The following EPC2 variants were observed in gnomAD, a reference collection of about 807,000 sequenced individuals.
EPC2 encodes the protein enhancer of polycomb homolog 2.
Under a neutral mutation model 92.1 loss-of-function variants are expected in EPC2, and 14 were observed. The ratio of observed to expected loss-of-function variants is 0.15; its 90% CI spans 0.10 to 0.24. The LOEUF (loss-of-function observed/expected upper bound fraction) is 0.24, where lower values mean the gene tolerates loss of function less well. EPC2 is among the 10% of genes least tolerant of loss of function. EPC2 has a pLI of 1.00. For synonymous variants in EPC2, 340 were observed against 334.7 expected (o/e 1.02, Z -0.17); for missense variants, 755 against 971.5 (o/e 0.78, Z 2.96).
In EPC2 at chr2:148,784,996, A is replaced by G. The variant is rs1574642940; in HGVS notation, c.2346A>G (p.Ile782Met). 8 of 1,514,348 alleles carry G rather than the reference A, an allele frequency of 5.3e-6. No homozygotes were observed. The East Asian group carries it at 7.0e-5, about 13-fold the overall frequency. The allele number at this position is 1,514,348 out of a possible 1,614,324, so 93.8% of individuals were successfully genotyped here. ...CTCCCAGCAGTGCCATCAGCAGCAT[A>G]GCAAGGTGTGTGTGTGTGTTTCAGT... ...KVTPSSAISS[I>M]ARENHEPERL... The change falls in exon 13 of 14, where the codon ATA (isoleucine) becomes ATG (methionine). Residue 782 changes from isoleucine to methionine, a missense_variant. Ile to Met is a conservative substitution (Grantham distance 10). Coordinates refer to ENST00000258484, the MANE Select transcript of EPC2 (RefSeq NM_015630.4).
intron 2 of EPC2, among the ~76,000 whole-genome samples, chr2:148,740,100 C>G (rs1682852459): frequency 6.6e-6 from 1 of 151,702 alleles, no homozygotes; most frequent in Non-Finnish European, 1.5e-5. Context: ...CAGGAGAAAG[C>G]TATCTGGGTT....
chr2:148,739,060 G>A (rs777051318), intron 2 of EPC2, among the ~76,000 whole-genome samples: 19 of 152,132 alleles, frequency 1.2e-4, no homozygotes, highest in Non-Finnish European at 2.4e-4. Flanking sequence ...GCTGTTGACC[G>A]GATAGGTCCT....
intron 4 of EPC2, among the ~76,000 whole-genome samples, chr2:148,755,527 C>A (rs186939819): frequency 7.9e-5 from 12 of 152,086 alleles, no homozygotes; most frequent in Admixed American, 3.3e-4. Flanking sequence ...GATGGTGATC[C>A]CCTAAAATTA....
At chr2:148,739,812 TCC>T (rs1682841268) in intron 2 of EPC2, among the ~76,000 whole-genome samples, 2 of 147,916 alleles carry the variant, frequency 1.4e-5, no homozygotes, top group South Asian at 2.1e-4. Context: ...TTTTCTTTCT[TCC>T]TTTTCTTTTC....
chr2:148,701,628 A>G (rs1490818787), intron 2 of EPC2, among the ~76,000 whole-genome samples: 1 of 152,174 alleles, frequency 6.6e-6, no homozygotes, highest in Non-Finnish European at 1.5e-5. Flanking sequence ...TCAGCTTGCT[A>G]TAATAATACT....
rs2105371392 is a variant in EPC2, at chr2:148,690,243, A to G, written c.183A>G (p.Ala61=). The change falls in exon 2 of 14, where the codon GCA becomes GCG. Residue 61 remains alanine, a synonymous_variant. Transcript: ENST00000258484. ...ATCATTTACAGCGAGCAATTTCAGC[A>G]CAGCAAGTGTTTAGAGAAAAAAAAG... ...SEHHLQRAIS[A]QQVFREKKES... 6.2e-7 allele frequency: 1 copy of G among 1,604,542 alleles called. No homozygotes were observed. The highest frequency in any genetic ancestry group is 2.2e-5 in the East Asian group (1 of 44,740).
At chr2:148,645,272 G>T in intron 1 of EPC2, 102 bp downstream of exon 1, 2 of 1,058,666 alleles carry the variant, frequency 1.9e-6, no homozygotes, top group Non-Finnish European at 2.7e-6. Flanking sequence ...GCTGGAGGGC[G>T]CCGCTGCCGC....
At chr2:148,767,363 T>C (rs1683430548) in intron 7 of EPC2, among the ~76,000 whole-genome samples, 1 of 152,164 alleles carries the variant, frequency 6.6e-6, no homozygotes, top group Admixed American at 6.5e-5. Flanking sequence ...AATTCTTGCA[T>C]TGATTTATAT....
chr2:148,760,790 G>A (rs777482843), intron 4 of EPC2, among the ~76,000 whole-genome samples: 1 of 152,120 alleles, frequency 6.6e-6, no homozygotes, highest in Non-Finnish European at 1.5e-5. Flanking sequence ...AAGAAAAAGA[G>A]TATAACTTTG....
At position 148,682,256 on chromosome 2, in the gene EPC2, C is replaced by T. The variant is rs566156752; in HGVS notation, c.154-7958C>T. ...ATACCCAGTAATGGGATTGCTGGGT[C>T]GAATGGTATTTCTAGTTCTAGATCC... On this transcript the variant is annotated intron_variant, in intron 1 of 13. Transcript: ENST00000258484. 8.6e-4 allele frequency among the ~76,000 whole-genome samples: 131 copies of T among 152,232 alleles called. 1 individual carries two copies. The highest frequency in any genetic ancestry group is 3.0e-3 in the African/African-American group (124 of 41,514).
rs544035197 is a variant in EPC2, at chr2:148,708,918, CCT to C, written c.313+18546_313+18547del. On this transcript the variant is annotated intron_variant, in intron 2 of 13. Transcript: ENST00000258484. ...GAATGGGCAAAAACTGGAAGTATTCCCTTTAAAAACTGGCACAAGACAGGGAT... is the reference window on the plus strand; with the variant it reads ...GAATGGGCAAAAACTGGAAGTATTCCTTAAAAACTGGCACAAGACAGGGAT... 2.5e-4 allele frequency among the ~76,000 whole-genome samples: 38 copies of C among 152,254 alleles called. No individual in the cohort carries two copies. The South Asian group carries it at 7.9e-3, about 32-fold the overall frequency.
chr2:148,682,331 CCCA>C (rs1360083302), intron 1 of EPC2, among the ~76,000 whole-genome samples: 1 of 152,162 alleles, frequency 6.6e-6, no homozygotes, highest in African/African-American at 2.4e-5. Context: ...AGTTTACACT[CCCA>C]CCAACAGTGT....
chr2:148,685,620 G>T (rs550854520), intron 1 of EPC2, among the ~76,000 whole-genome samples: 2 of 152,300 alleles, frequency 1.3e-5, no homozygotes, highest in East Asian at 3.9e-4. Context: ...AATTAGCCGG[G>T]TGTGGTGGCG....
intron 2 of EPC2, among the ~76,000 whole-genome samples, chr2:148,700,989 G>A (rs921999732): frequency 6.6e-6 from 1 of 151,986 alleles, no homozygotes; most frequent in Non-Finnish European, 1.5e-5. Flanking sequence ...TGCATGTTTT[G>A]TTAGATTGAT....
intron 1 of EPC2, among the ~76,000 whole-genome samples, chr2:148,670,304 A>C (rs1681130280): frequency 6.7e-6 from 1 of 150,076 alleles, no homozygotes; most frequent in Non-Finnish European, 1.5e-5. Context: ...TGCTGGTTGC[A>C]TCAGGTGGAA....
intron 2 of EPC2, among the ~76,000 whole-genome samples, chr2:148,732,842 A>AT (rs935960488): frequency 6.0e-5 from 9 of 150,660 alleles, no homozygotes; most frequent in African/African-American, 2.2e-4. Flanking sequence ...CATATAAAGG[A>AT]TTTTTTTAGG....
At chr2:148,712,957 G>A (rs991245506) in intron 2 of EPC2, among the ~76,000 whole-genome samples, 5 of 150,686 alleles carry the variant, frequency 3.3e-5, no homozygotes, top group South Asian at 4.2e-4. Flanking sequence ...TTTGGGAGGC[G>A]TGAGGCAGGA....
chr2:148,653,142 C>T (rs1325903228), intron 1 of EPC2, among the ~76,000 whole-genome samples: 1 of 152,184 alleles, frequency 6.6e-6, no homozygotes, highest in Non-Finnish European at 1.5e-5. Flanking sequence ...CCAAGACAGG[C>T]AGGATAGCAA....
chr2:148,754,232 T>C (rs1318387663), intron 4 of EPC2, 99 bp downstream of exon 4: 1 of 929,466 alleles, frequency 1.1e-6, no homozygotes, highest in African/African-American at 1.7e-5. Flanking sequence ...TAATGGTAGC[T>C]AATGGCATTG....
Sources: gnomAD v4.1 joint callset for allele counts (sites outside exome capture counted in the v4.1 genomes callset) on GRCh38, gnomAD v4.1.1 for gene constraint, MANE v1.5 for transcripts, NCBI Gene and HGNC (gene_info 2026-07-23, HGNC 2026-07-21) for gene names.